The following CLEC9A variants were observed in gnomAD, a reference collection of about 807,000 sequenced individuals.
CLEC9A encodes C-type lectin domain containing 9A, also known as C-type lectin domain family 9 member A.
In CLEC9A, 24 loss-of-function variants were observed where a neutral mutation model predicts 30.0. That is an observed-to-expected ratio of 0.80 (90% CI 0.58 to 1.13). The LOEUF (loss-of-function observed/expected upper bound fraction) is 1.13. Ranked by LOEUF, CLEC9A falls within the 50% of genes most tolerant of loss-of-function variation. The probability of loss-of-function intolerance (pLI) is 0.00; values close to 1 mark genes in which losing one functional copy is unlikely to be tolerated. For missense variants in CLEC9A, 251 were observed against 280.9 expected (o/e 0.89, Z 0.76); for synonymous variants, 111 against 96.8 (o/e 1.15, Z -0.86).
chr12:10,063,092 G>A lies in CLEC9A; in HGVS notation c.357G>A (p.Gln119=), dbSNP rs1485182033. 2 of 1,611,240 alleles carry A rather than the reference G, an allele frequency of 1.2e-6. No homozygotes were observed. The highest frequency in any genetic ancestry group is 2.7e-5 in the African/African-American group (2 of 74,670). The part of the protein sequence containing the change: ...NSSPCPNNWI[Q]NRESCYYVSE... The stretch of plus-strand genomic sequence containing the variant: ...GTCCTTGTCCAAACAATTGGATTCA[G>A]AACAGAGAAAGTTGTTACTATGTCT... The change falls in exon 7 of 9, where the codon CAG becomes CAA. Residue 119 remains glutamine (Q), a synonymous_variant. Coordinates refer to ENST00000355819, the MANE Select transcript of CLEC9A (RefSeq NM_207345.4).
intron 4 of CLEC9A, among the ~76,000 whole-genome samples, chr12:10,053,796 C>T (rs1474340017): frequency 6.6e-6 from 1 of 151,140 alleles, no homozygotes; most frequent in East Asian, 1.9e-4. Context: ...AAAACTTGTT[C>T]GTCTTCCAAA....
intron 2 of CLEC9A, among the ~76,000 whole-genome samples, chr12:10,050,790 C>T (rs1865886643): frequency 6.6e-6 from 1 of 152,174 alleles, no homozygotes; most frequent in Non-Finnish European, 1.5e-5. Flanking sequence ...ATTTGGTATG[C>T]TTATGATTTC....
intron 2 of CLEC9A, among the ~76,000 whole-genome samples, chr12:10,050,149 G>C (rs1334466062): frequency 6.6e-6 from 1 of 152,160 alleles, no homozygotes. Flanking sequence ...AGTATTTATT[G>C]ATATTTATCA....
intron 5 of CLEC9A, among the ~76,000 whole-genome samples, chr12:10,055,295 G>T (rs1052902056): frequency 6.6e-6 from 1 of 152,050 alleles, no homozygotes; most frequent in East Asian, 1.9e-4. Context: ...ATGTGAGTTC[G>T]CTTTTTAAGA....
At chr12:10,059,453 A>C (rs1250446633) in intron 5 of CLEC9A, among the ~76,000 whole-genome samples, 1 of 152,242 alleles carries the variant, frequency 6.6e-6, no homozygotes, top group Non-Finnish European at 1.5e-5. Flanking sequence ...AGTAGAGCAT[A>C]AAACTGTCAA....
intron 2 of CLEC9A, among the ~76,000 whole-genome samples, chr12:10,044,232 T>C (rs1018209103): frequency 6.6e-6 from 1 of 152,208 alleles, no homozygotes; most frequent in Non-Finnish European, 1.5e-5. Flanking sequence ...TATGTGGTTT[T>C]CCAATGTCCA....
intron 1 of CLEC9A, among the ~76,000 whole-genome samples, chr12:10,038,331 T>C (rs952538383): frequency 6.6e-6 from 1 of 152,148 alleles, no homozygotes; most frequent in Admixed American, 6.5e-5. Context: ...TTGAAGAGTG[T>C]AGAGAAAGAA....
chr12:10,038,448 T>C (rs1865761890), intron 1 of CLEC9A, among the ~76,000 whole-genome samples: 3 of 152,306 alleles, frequency 2.0e-5, no homozygotes, highest in Admixed American at 2.0e-4. Flanking sequence ...GGCGTGTTAG[T>C]AAACAAAATA....
At chr12:10,042,324 A>G (rs983402692) in intron 2 of CLEC9A, among the ~76,000 whole-genome samples, 2 of 152,236 alleles carry the variant, frequency 1.3e-5, no homozygotes, top group Non-Finnish European at 2.9e-5. Flanking sequence ...TGACTGTCAC[A>G]CAATAGCTCC....
At chr12:10,060,045 GACA>G (rs750937035) in intron 5 of CLEC9A, among the ~76,000 whole-genome samples, 7 of 152,204 alleles carry the variant, frequency 4.6e-5, no homozygotes, top group Non-Finnish European at 8.8e-5. Flanking sequence ...AACAATAAGT[GACA>G]ACATCAAATG....
At chr12:10,032,691 A>G (rs1401202790) in intron 1 of CLEC9A, among the ~76,000 whole-genome samples, 1 of 151,824 alleles carries the variant, frequency 6.6e-6, no homozygotes, top group Non-Finnish European at 1.5e-5. Context: ...GCGCCCGGCC[A>G]ATAGGGATTT....
rs765829404 is a variant in CLEC9A at position 10,054,281 on chromosome 12, T to TC, written c.103dup (p.Leu35ProfsTer75). 8.7e-6 allele frequency: 14 copies of TC among 1,612,814 alleles called. 1 individual carries two copies. In the South Asian group the frequency reaches 1.2e-4, roughly 14 times the overall value. On this transcript the variant is annotated frameshift_variant, in exon 5 of 9. Transcript: ENST00000355819. LOFTEE classifies it high-confidence loss of function. ...CTATTCTGTGGTTAGGAGCATGCTG[T>TC]CTTGTGATGGTGATTTCATGTGTTT...
intron 4 of CLEC9A, 24 bp downstream of exon 4, chr12:10,052,802 G>A: frequency 1.2e-6 from 2 of 1,602,666 alleles, no homozygotes; most frequent in South Asian, 1.1e-5. Flanking sequence ...ACTATTTTGT[G>A]TGAGACTTTA....
At chr12:10,064,893 C>G (rs776317354) in intron 8 of CLEC9A, 40 bp downstream of exon 8, 3 of 1,591,868 alleles carry the variant, frequency 1.9e-6, no homozygotes, top group Non-Finnish European at 1.7e-6. Context: ...AAGTTAGAAA[C>G]ATGAGGGAAT....
chr12:10,054,293 GATTTC>G lies in CLEC9A; in HGVS notation c.117_121del (p.Ile39MetfsTer69). 1.9e-6 allele frequency: 3 copies of G among 1,612,998 alleles called. No individual in the cohort carries two copies. Among genetic ancestry groups the G allele is most frequent in the Non-Finnish European group, 2.5e-6 (3 of 1,179,362 alleles). ...TAGGAGCATGCTGTCTTGTGATGGT[GATTTC>G]ATGTGTTTTCTGCATGGGATTATTA... On this transcript the variant is annotated frameshift_variant, in exon 5 of 9. Coordinates refer to ENST00000355819, the MANE Select transcript of CLEC9A (RefSeq NM_207345.4). LOFTEE classifies it high-confidence loss of function.
intron 4 of CLEC9A, 81 bp from the exon 5 acceptor site, chr12:10,054,190 A>G: frequency 9.2e-7 from 1 of 1,089,642 alleles, no homozygotes; most frequent in Non-Finnish European, 1.4e-6. Context: ...TCCTTCTTTT[A>G]CTCAATCTCA....
chr12:10,043,243 T>C lies in CLEC9A; in HGVS notation c.-163+1623T>C, dbSNP rs12231518. 3.8e-4 allele frequency: 135 copies of C among 355,942 alleles called. 3 individuals are homozygous for C. In the East Asian group the frequency reaches 0.01, roughly 27 times the overall value. The allele number at this position is 355,942 out of a possible 1,614,324, so 22.0% of individuals were successfully genotyped here. On this transcript the variant is annotated intron_variant, in intron 2 of 8. Transcript: ENST00000355819. ...TACATCAAAGCCAGGACTGGTTTAA[T>C]TCATTGGGTCAGATTATCCCACCAG...
chr12:10,064,906 A>C, intron 8 of CLEC9A, 53 bp downstream of exon 8: 1 of 1,586,124 alleles, frequency 6.3e-7, no homozygotes, highest in Middle Eastern at 1.7e-4. Context: ...GAGGGAATTC[A>C]AAAGTTTATT....
chr12:10,059,222 T>C (rs1325775594), intron 5 of CLEC9A, among the ~76,000 whole-genome samples: 1 of 152,066 alleles, frequency 6.6e-6, no homozygotes, highest in Non-Finnish European at 1.5e-5. Context: ...AAGACAGATA[T>C]AAAATACAAT....
Sources: gnomAD v4.1 joint callset for allele counts (sites outside exome capture counted in the v4.1 genomes callset) on GRCh38, gnomAD v4.1.1 for gene constraint, MANE v1.5 for transcripts, NCBI Gene and HGNC (gene_info 2026-07-23, HGNC 2026-07-21) for gene names.